PTPRN2: variants seen among roughly 807,000 people sequenced by gnomAD.
PTPRN2 encodes protein tyrosine phosphatase receptor type N2.
Under a neutral mutation model 118.8 loss-of-function variants are expected in PTPRN2, and 74 were observed. That is an observed-to-expected ratio of 0.62 (90% CI 0.52 to 0.76). The LOEUF (loss-of-function observed/expected upper bound fraction) is 0.76, where lower values mean the gene tolerates loss of function less well. Among genes scored for constraint, PTPRN2 ranks in the 30% least tolerant of loss-of-function variants. PTPRN2 has a pLI of 0.00. For missense variants in PTPRN2, 1,481 were observed against 1,394.4 expected (o/e 1.06, Z -0.99); for synonymous variants, 641 against 608.0 (o/e 1.05, Z -0.80).
intron 6 of PTPRN2, among the ~76,000 whole-genome samples, chr7:158,156,673 A>G (rs1411459578): frequency 1.3e-5 from 2 of 152,236 alleles, no homozygotes; most frequent in Admixed American, 6.5e-5. Context: ...TGGGGCTTCG[A>G]GCCCCCAGTT....
rs575308863 is a variant in PTPRN2, at chr7:157,813,061, C to A, written c.1788+85612G>T. ...CGGTGACAAACAGGAGGACGGTGCT[C>A]AAATGACTGTGACACGTGCCGTGTA... is the stretch of plus-strand genomic sequence containing the variant. On this transcript the variant is annotated intron_variant, in intron 12 of 22. Coordinates refer to ENST00000389418, the MANE Select transcript of PTPRN2 (RefSeq NM_002847.5). The surrounding 1 kb of genome is among the most constrained non-coding windows in gnomAD (Gnocchi z 4.7). Among the ~76,000 whole-genome samples the A allele has an allele frequency of 3.2e-4, 48 of 152,266 alleles. No homozygotes were observed. The highest frequency in any genetic ancestry group is 1.0e-3 in the African/African-American group (43 of 41,530).
At chr7:158,313,518 TGA>T (rs1218261726) in intron 3 of PTPRN2, among the ~76,000 whole-genome samples, 2 of 152,174 alleles carry the variant, frequency 1.3e-5, no homozygotes, top group African/African-American at 4.8e-5. Context: ...AGCCAGGGCC[TGA>T]GCAAGACTGG....
intron 3 of PTPRN2, among the ~76,000 whole-genome samples, chr7:158,236,790 C>CCACTTCGCCGCCACCCATGCTGCCA (rs1585931104): frequency 2.9e-5 from 2 of 69,814 alleles, no homozygotes; most frequent in South Asian, 5.4e-4. Context: ...GACCACTCTG[C>CCACTTCGCCGCCACCCATGCTGCCA]TGTGGGGAAA....
At chr7:158,183,033 C>G (rs1468268004) in intron 5 of PTPRN2, among the ~76,000 whole-genome samples, 1 of 152,164 alleles carries the variant, frequency 6.6e-6, no homozygotes, top group Admixed American at 6.5e-5. Context: ...GCCCTTTTAT[C>G]ATCATTTAAT....
rs1472017061 is a variant in PTPRN2, at chr7:157,725,312, T to C, written c.1789-42375A>G. 5.2e-4 allele frequency among the ~76,000 whole-genome samples: 40 copies of C among 77,488 alleles called. 1 individual carries two copies. Among genetic ancestry groups the C allele is most frequent in the Middle Eastern group, 0.011 (1 of 94 alleles). The allele number at this position is 77,488 out of a possible 152,430, so 50.8% of individuals were successfully genotyped here. On this transcript the variant is annotated intron_variant, in intron 12 of 22. Coordinates refer to ENST00000389418, the MANE Select transcript of PTPRN2 (RefSeq NM_002847.5). ...CTGGATACCTACACCCAGAGGAGTGTGGCCAGACCCTCGCCTCCCAGGAGA... is the reference window on the plus strand; with the variant it reads ...CTGGATACCTACACCCAGAGGAGTGCGGCCAGACCCTCGCCTCCCAGGAGA...
rs1017478861 is a variant in PTPRN2 at position 157,929,338 on chromosome 7, C to A, written c.1724-30601G>T. Reference sequence around the variant, plus strand: ...CCTTACGGTGGGGATGCTGGACAGGCATTCAGGAGACACAAATGTCAACTC... The same window carrying A: ...CCTTACGGTGGGGATGCTGGACAGGAATTCAGGAGACACAAATGTCAACTC... On this transcript the variant is annotated intron_variant, in intron 11 of 22. Coordinates refer to ENST00000389418, the MANE Select transcript of PTPRN2 (RefSeq NM_002847.5). The surrounding 1 kb of genome is among the most constrained non-coding windows in gnomAD (Gnocchi z 4.4). Among the ~76,000 whole-genome samples, 8 of 152,130 alleles carry A rather than the reference C, an allele frequency of 5.3e-5. No homozygotes were observed. The highest frequency in any genetic ancestry group is 1.9e-4 in the African/African-American group (8 of 41,426).
In PTPRN2 at chr7:158,570,761, G is replaced by A. The variant is rs1010823965; in HGVS notation, c.112+16797C>T. Among the ~76,000 whole-genome samples, 38 of 152,346 alleles carry A rather than the reference G, an allele frequency of 2.5e-4. No individual in the cohort carries two copies. The highest frequency in any genetic ancestry group is 3.4e-3 in the Middle Eastern group (1 of 294). On this transcript the variant is annotated intron_variant, in intron 1 of 22. Coordinates refer to ENST00000389418, the MANE Select transcript of PTPRN2 (RefSeq NM_002847.5). The surrounding 1 kb of genome is among the most constrained non-coding windows in gnomAD (Gnocchi z 4.5). ...CCTGTGAGCCCCCGTCTCCGACCAC[G>A]GACTCACCGGGAAGCACCAAGGAGA...
At chr7:157,658,002 CCACA>C (rs1476165719) in intron 13 of PTPRN2, among the ~76,000 whole-genome samples, 259 of 150,964 alleles carry the variant, frequency 1.7e-3, no homozygotes, top group African/African-American at 6.1e-3. Flanking sequence ...GACACACACA[CCACA>C]CACACATACA....
chr7:158,091,513 A>G (rs1814121530), intron 10 of PTPRN2, among the ~76,000 whole-genome samples: 1 of 152,096 alleles, frequency 6.6e-6, no homozygotes, highest in African/African-American at 2.4e-5. Context: ...TGACAGACTG[A>G]CCTGTGCTTT....
At chr7:158,194,126 C>T (rs1013672143) in intron 4 of PTPRN2, among the ~76,000 whole-genome samples, 12 of 151,496 alleles carry the variant, frequency 7.9e-5, no homozygotes, top group Admixed American at 5.3e-4. Flanking sequence ...CGCGCATGTG[C>T]GTGTGTGAGT....
At chr7:158,482,302 C>T (rs1176353997) in intron 2 of PTPRN2, among the ~76,000 whole-genome samples, 1 of 152,208 alleles carries the variant, frequency 6.6e-6, no homozygotes, top group Non-Finnish European at 1.5e-5. Flanking sequence ...GGGTAAAATG[C>T]TACCAAACAG....
At chr7:157,824,889 A>G (rs1807072034) in intron 12 of PTPRN2, among the ~76,000 whole-genome samples, 1 of 152,210 alleles carries the variant, frequency 6.6e-6, no homozygotes, top group Non-Finnish European at 1.5e-5. Flanking sequence ...CACATGCTGA[A>G]TGAAGCCACA....
chr7:157,806,443 C>A (rs948148247), intron 12 of PTPRN2, among the ~76,000 whole-genome samples: 1 of 151,948 alleles, frequency 6.6e-6, no homozygotes, highest in Admixed American at 6.6e-5. Flanking sequence ...TATATGTGTG[C>A]ATGTATGTGT....
intron 3 of PTPRN2, among the ~76,000 whole-genome samples, chr7:158,290,678 T>C (rs1800066443): frequency 6.6e-6 from 1 of 152,128 alleles, no homozygotes; most frequent in Non-Finnish European, 1.5e-5. Flanking sequence ...AGGGCATCTC[T>C]CACCACAACA....
At chr7:158,352,412 C>T (rs1043727916) in intron 2 of PTPRN2, among the ~76,000 whole-genome samples, 15 of 152,198 alleles carry the variant, frequency 9.9e-5, no homozygotes, top group African/African-American at 3.6e-4. Flanking sequence ...TACACAAGCA[C>T]ACAGCAGGAC....
rs916044590 is a variant in PTPRN2, at chr7:157,619,376, G to A, written c.2344+1986C>T. Reference sequence around the variant, plus strand: ...CCACTCAGGACTCAGCAGGATACCCGCTCACCACCACCCTCACTTGTCCTA... The same window carrying A: ...CCACTCAGGACTCAGCAGGATACCCACTCACCACCACCCTCACTTGTCCTA... On this transcript the variant is annotated intron_variant, in intron 15 of 22. Coordinates refer to ENST00000389418, the MANE Select transcript of PTPRN2 (RefSeq NM_002847.5). The surrounding 1 kb of genome is among the most constrained non-coding windows in gnomAD (Gnocchi z 5.3). Among the ~76,000 whole-genome samples, 3 of 151,988 alleles carry A rather than the reference G, an allele frequency of 2.0e-5. No homozygotes were observed. The highest frequency in any genetic ancestry group is 2.9e-5 in the Non-Finnish European group (2 of 67,962).
intron 6 of PTPRN2, among the ~76,000 whole-genome samples, chr7:158,157,969 G>A (rs1174423499): frequency 1.3e-5 from 2 of 152,158 alleles, no homozygotes; most frequent in African/African-American, 4.8e-5. Flanking sequence ...GCATGGATCC[G>A]AGATTAACAA....
Position 158,578,045 on chromosome 7 carries a change from C to T in PTPRN2, c.112+9513G>A, listed in dbSNP as rs544142741. ...CTTCAGAAGAGCAAAGGGAACAACA[C>T]CCACCCGGCAAGCTCGTTGACAAGA... On this transcript the variant is annotated intron_variant, in intron 1 of 22. Transcript: ENST00000389418. Among the ~76,000 whole-genome samples, 10 of 152,232 alleles carry T rather than the reference C, an allele frequency of 6.6e-5. No homozygotes were observed. In the South Asian group the frequency reaches 1.7e-3, roughly 25 times the overall value.
intron 11 of PTPRN2, among the ~76,000 whole-genome samples, chr7:157,985,204 G>A (rs113412572): frequency 0.026 from 3,964 of 152,250 alleles, 188 homozygotes; most frequent in African/African-American, 0.091. Flanking sequence ...CATAAAAAGC[G>A]TGCACCTGGA....
Sources: allele counts gnomAD v4.1 joint callset (sites outside exome capture counted in the v4.1 genomes callset), GRCh38; gene constraint gnomAD v4.1.1; non-coding constraint Gnocchi (gnomAD v3.1); transcripts MANE v1.5; gene names NCBI Gene and HGNC (gene_info 2026-07-23, HGNC 2026-07-21).